The following CREBBP variants were observed in gnomAD, a reference collection of about 807,000 sequenced individuals.
The protein encoded by CREBBP is CREB-binding protein.
A neutral mutation model predicts 265.0 loss-of-function variants in CREBBP; 19 were observed. The observed-to-expected ratio is 0.07, with a 90% CI of 0.05 to 0.11. CREBBP has a LOEUF of 0.11. CREBBP is among the 10% of genes least tolerant of loss of function. CREBBP has a pLI of 1.00. For missense variants in CREBBP, 2,525 were observed against 3,219.0 expected (o/e 0.78, Z 5.22); for synonymous variants, 1,457 against 1,223.7 (o/e 1.19, Z -3.98).
intron 3 of CREBBP, among the ~76,000 whole-genome samples, chr16:3,807,426 C>T (rs994523352): frequency 2.0e-5 from 3 of 152,154 alleles, no homozygotes; most frequent in Admixed American, 6.5e-5. Context: ...CTCATTTTTT[C>T]AGTAAATAGA....
intron 2 of CREBBP, among the ~76,000 whole-genome samples, chr16:3,815,551 T>A (rs7187027): frequency 1.9e-3 from 227 of 120,166 alleles, no homozygotes; most frequent in African/African-American, 5.5e-3. Flanking sequence ...AAAAAAAAAA[T>A]TTTTTTTTTT....
intron 27 of CREBBP, 28 bp from the exon 28 acceptor site, chr16:3,736,231 T>C (rs932480615): frequency 1.9e-6 from 3 of 1,610,764 alleles, no homozygotes; most frequent in Admixed American, 3.3e-5. Context: ...AACAGTGAGA[T>C]GAGGGCCATG....
Position 3,728,744 on chromosome 16 carries a change from G to A in CREBBP, c.6303C>T (p.Ile2101=), listed in dbSNP as rs780441901. 8.7e-6 allele frequency: 14 copies of A among 1,613,788 alleles called. No homozygotes were observed. The Admixed American group carries it at 1.3e-4, about 15-fold the overall frequency. The stretch of plus-strand genomic sequence containing the variant: ...CCACGTACTTGGCTGTGCGCTGTTT[G>A]ATGAAAGCTGCCATTAGCTGCGGGT... ...KSNPQLMAAF[I]KQRTAKYVAN... The change falls in exon 31 of 31, where the codon ATC becomes ATT. Residue 2101 remains isoleucine (I), a synonymous_variant. Coordinates refer to ENST00000262367, the MANE Select transcript of CREBBP (RefSeq NM_004380.3). The surrounding 1 kb of genome is among the most constrained non-coding windows in gnomAD (Gnocchi z 8.7).
intron 9 of CREBBP, 69 bp downstream of exon 9, chr16:3,778,631 A>G (rs1043252146): frequency 3.2e-5 from 40 of 1,254,826 alleles, no homozygotes; most frequent in Non-Finnish European, 4.6e-5. Flanking sequence ...CCAGATAACA[A>G]AGCAGACAAA....
chr16:3,868,418 C>T (rs1463085863), intron 1 of CREBBP, among the ~76,000 whole-genome samples: 1 of 130,282 alleles, frequency 7.7e-6, no homozygotes, highest in Non-Finnish European at 1.8e-5. Flanking sequence ...CCCTACAGAC[C>T]TGAACTTGGA....
At chr16:3,838,960 T>C (rs1203806991) in intron 2 of CREBBP, among the ~76,000 whole-genome samples, 2 of 152,250 alleles carry the variant, frequency 1.3e-5, no homozygotes, top group African/African-American at 4.8e-5. Flanking sequence ...AGCACCTCGC[T>C]AGTTCACTAC....
intron 20 of CREBBP, among the ~76,000 whole-genome samples, chr16:3,750,921 C>T (rs1263290979): frequency 1.3e-5 from 2 of 152,170 alleles, no homozygotes; most frequent in Non-Finnish European, 2.9e-5. Context: ...AATGGGGATA[C>T]CTGGTTTCTC....
intron 2 of CREBBP, chr16:3,840,703 AGG>A: frequency 6.3e-6 from 1 of 159,326 alleles, no homozygotes; most frequent in Non-Finnish European, 1.4e-5. Context: ...CTCTACCAGA[AGG>A]CTCACCCCAA....
In CREBBP at chr16:3,806,010, C is replaced by T. The variant is rs574084961; in HGVS notation, c.975+4593G>A. ...CTACAAGACACAGATTCTGCACCTT[C>T]GTCCTAAGAGATTGTGAATCGGGAG... On this transcript the variant is annotated intron_variant, in intron 3 of 30. Coordinates refer to ENST00000262367, the MANE Select transcript of CREBBP (RefSeq NM_004380.3). 9.3e-4 allele frequency among the ~76,000 whole-genome samples: 141 copies of T among 152,330 alleles called. 2 individuals carry two copies. Among genetic ancestry groups the T allele is most frequent in the African/African-American group, 3.3e-3 (137 of 41,562 alleles).
At chr16:3,822,238 C>G (rs2054155557) in intron 2 of CREBBP, among the ~76,000 whole-genome samples, 1 of 152,142 alleles carries the variant, frequency 6.6e-6, no homozygotes, top group African/African-American at 2.4e-5. Context: ...CGGATCTACA[C>G]TCCACTCACT....
At position 3,727,778 on chromosome 16, in the gene CREBBP, T is replaced by G. The variant is rs2051784943; in HGVS notation, c.7269A>C (p.Glu2423Asp). Residue 2423 changes from glutamate (E) to aspartate (D), a missense_variant, in exon 31 of 31, where the codon GAA becomes GAC. Coordinates refer to ENST00000262367, the MANE Select transcript of CREBBP (RefSeq NM_004380.3). ...NTPSRSALSS[E>D]LSLVGDTTGD... is the part of the protein sequence containing the mutation. ...CCGTGGTGTCCCCGACCAGGGACAGTTCGCTGGACAGCGCACTCCTGCTGG... is the reference window on the plus strand; with the variant it reads ...CCGTGGTGTCCCCGACCAGGGACAGGTCGCTGGACAGCGCACTCCTGCTGG... 1 of 1,614,106 alleles carries G rather than the reference T, an allele frequency of 6.2e-7. No homozygotes were observed. Among genetic ancestry groups the G allele is most frequent in the South Asian group, 1.1e-5 (1 of 91,080 alleles).
chr16:3,840,724 T>A (rs778299086), intron 2 of CREBBP: 1 of 155,800 alleles, frequency 6.4e-6, no homozygotes, highest in Non-Finnish European at 1.4e-5. Flanking sequence ...AACAACAGTA[T>A]ACGGGAGCAA....
chr16:3,775,375 C>G (rs1252909608), intron 11 of CREBBP, among the ~76,000 whole-genome samples: 1 of 152,222 alleles, frequency 6.6e-6, no homozygotes, highest in African/African-American at 2.4e-5. Flanking sequence ...ACTGCGGTGT[C>G]TAGTTCCTTC....
intron 18 of CREBBP, 43 bp from the exon 19 acceptor site, chr16:3,757,419 C>G (rs2151382287): frequency 7.0e-7 from 1 of 1,431,026 alleles, no homozygotes; most frequent in Non-Finnish European, 9.7e-7. Flanking sequence ...AAAATACATT[C>G]CATTTACTGT....
intron 1 of CREBBP, among the ~76,000 whole-genome samples, chr16:3,853,847 G>A (rs1302255016): frequency 6.6e-6 from 1 of 152,082 alleles, no homozygotes. Context: ...TGAGGCAGGA[G>A]AGTCGCTTGA....
chr16:3,732,087 G>A, intron 28 of CREBBP, 150 bp from the exon 29 acceptor site: 1 of 1,443,630 alleles, frequency 6.9e-7, no homozygotes, highest in Non-Finnish European at 9.6e-7. Context: ...ACAGGTGGCT[G>A]TAGGTGCTGC....
Position 3,793,419 on chromosome 16 carries a change from T to C in CREBBP, c.1183A>G (p.Met395Val), listed in dbSNP as rs2053544513. Residue 395 changes from methionine (M) to valine (V), a missense_variant, in exon 4 of 31, where the codon ATG becomes GTG. Transcript: ENST00000262367. ...GCTTTCCCAGCCTGACAATGCGTCA[T>C]GTGATTCAAAACGTTTTTCATGGTT... ...CRTMKNVLNHMTHCQAGKACQ... is the reference protein window; with the variant it reads ...CRTMKNVLNHVTHCQAGKACQ... 6.2e-7 allele frequency: 1 copy of C among 1,614,020 alleles called. No individual in the cohort carries two copies.
chr16:3,774,798 C>T, intron 11 of CREBBP, 105 bp from the exon 12 acceptor site: 1 of 1,394,624 alleles, frequency 7.2e-7, no homozygotes, highest in Admixed American at 1.9e-5. Flanking sequence ...AACGCACAGG[C>T]AACAGAAAAC....
chr16:3,866,188 A>G (rs1363640492), intron 1 of CREBBP, among the ~76,000 whole-genome samples: 1 of 152,228 alleles, frequency 6.6e-6, no homozygotes, highest in African/African-American at 2.4e-5. Context: ...ATTTTTTTCT[A>G]AAGGGATGTG....
Sources: allele counts gnomAD v4.1 joint callset (sites outside exome capture counted in the v4.1 genomes callset), GRCh38; gene constraint gnomAD v4.1.1; non-coding constraint Gnocchi (gnomAD v3.1); transcripts MANE v1.5; gene names NCBI Gene and HGNC (gene_info 2026-07-23, HGNC 2026-07-21).